Variants in RAB11FIP1 observed in about 807,000 individuals in gnomAD.
RAB11FIP1 encodes the protein rab11 family-interacting protein 1.
A neutral mutation model predicts 83.1 loss-of-function variants in RAB11FIP1; 49 were observed. The observed-to-expected ratio is 0.59, with a 90% CI of 0.47 to 0.75. The LOEUF is 0.75. Ranked by LOEUF, RAB11FIP1 falls within the 30% of genes least tolerant of loss-of-function variation. The pLI, the probability that RAB11FIP1 is intolerant of heterozygous loss-of-function variation, is 0.00. For synonymous variants in RAB11FIP1, 670 were observed against 656.0 expected (o/e 1.02, Z -0.33); for missense variants, 1,536 against 1,598.7 (o/e 0.96, Z 0.67).
chr8:37,894,684 TTATATATACATAAATACA>T (rs989878621), intron 1 of RAB11FIP1, among the ~76,000 whole-genome samples: 1 of 146,058 alleles, frequency 6.8e-6, no homozygotes, highest in East Asian at 2.0e-4. Flanking sequence ...TCATTTTGAT[TTATATATACATAAATACA>T]TATATATACA....
rs1806173098 is a variant in RAB11FIP1, at chr8:37,858,644, GC to G, written c.*4250del. The stretch of plus-strand genomic sequence containing the variant: ...AGGAAAGACCCTGTCCAAATGCTCA[GC>G]CAAGGGTACCGGCTGCAAAGGAAAA... On this transcript the variant is annotated 3_prime_UTR_variant, in exon 6 of 6. Coordinates refer to ENST00000330843, the MANE Select transcript of RAB11FIP1 (RefSeq NM_001002814.3). 1 of 152,288 alleles carries G rather than the reference GC, an allele frequency of 6.6e-6. No homozygotes were observed. Among genetic ancestry groups the G allele is most frequent in the Non-Finnish European group, 1.5e-5 (1 of 68,094 alleles). 9.4% of individuals were successfully genotyped at this position (152,288 alleles called of 1,614,324 possible).
chr8:37,874,367 C>T lies in RAB11FIP1; in HGVS notation c.1622+148G>A, dbSNP rs1179782255. On this transcript the variant is annotated intron_variant, in intron 3 of 5. Transcript: ENST00000330843. The stretch of plus-strand genomic sequence containing the variant: ...GGGCAGGCCAGGCTGGCAGTAGGGA[C>T]TGGTTAAAAAAATAATTTAGACCAG... The T allele has an allele frequency of 9.0e-6, 6 of 664,230 alleles. No individual in the cohort carries two copies. The East Asian group carries it at 1.3e-4, about 15-fold the overall frequency. The allele number at this position is 664,230 out of a possible 1,614,324, so 41.1% of individuals were successfully genotyped here.
intron 5 of RAB11FIP1, 74 bp downstream of exon 5, chr8:37,870,346 G>A (rs1317240571): frequency 8.4e-6 from 7 of 830,280 alleles, no homozygotes; most frequent in Non-Finnish European, 1.4e-5. Flanking sequence ...CCAGGGAGAG[G>A]TATACGATGG....
intron 5 of RAB11FIP1, among the ~76,000 whole-genome samples, chr8:37,864,728 G>T (rs1806308356): frequency 6.6e-6 from 1 of 152,174 alleles, no homozygotes; most frequent in African/African-American, 2.4e-5. Flanking sequence ...ATTTAGAGGT[G>T]AGACACTGGA....
In RAB11FIP1 at chr8:37,899,393, G is replaced by A; in HGVS notation, c.49C>T (p.Pro17Ser). Residue 17 changes from proline (P) to serine (S), a missense_variant, in exon 1 of 6, where the codon CCA becomes TCA. Coordinates refer to ENST00000330843, the MANE Select transcript of RAB11FIP1 (RefSeq NM_001002814.3). The surrounding 1 kb of genome is among the most constrained non-coding windows in gnomAD (Gnocchi z 4.5). Reference protein sequence around the residue: ...AGRGLGAVWSPTHVQVTVLQA... With the variant: ...AGRGLGAVWSSTHVQVTVLQA... ...AGCACCGTCACCTGCACGTGGGTTGGGGACCACACGGCCCCCAGGCCCCGG... is the reference window on the plus strand; with the variant it reads ...AGCACCGTCACCTGCACGTGGGTTGAGGACCACACGGCCCCCAGGCCCCGG... 6.3e-7 allele frequency: 1 copy of A among 1,598,064 alleles called. No individual in the cohort carries two copies. The highest frequency in any genetic ancestry group is 1.1e-5 in the South Asian group (1 of 89,818).
At chr8:37,896,083 G>T (rs1807083622) in intron 1 of RAB11FIP1, among the ~76,000 whole-genome samples, 1 of 152,074 alleles carries the variant, frequency 6.6e-6, no homozygotes, top group South Asian at 2.1e-4. Context: ...GCTGAGGCGG[G>T]TGGATCACCT....
In RAB11FIP1 at chr8:37,859,578, G is replaced by A. The variant is rs1378585994; in HGVS notation, c.*3317C>T. On this transcript the variant is annotated 3_prime_UTR_variant, in exon 6 of 6. Transcript: ENST00000330843. ...TGAACACACTGGAATAAGATGGAGG[G>A]CAGGATACCTGCCAAAGCCTGAGGC... 6.6e-6 allele frequency: 1 copy of A among 152,322 alleles called. No homozygotes were observed. The highest frequency in any genetic ancestry group is 1.5e-5 in the Non-Finnish European group (1 of 68,100). 9.4% of individuals were successfully genotyped at this position (152,322 alleles called of 1,614,324 possible). A position where few individuals can be genotyped will look rare whatever the true frequency, so the allele number is the denominator to read the frequency against.
intron 1 of RAB11FIP1, among the ~76,000 whole-genome samples, chr8:37,891,465 G>A (rs1806945092): frequency 6.6e-6 from 1 of 152,214 alleles, no homozygotes; most frequent in African/African-American, 2.4e-5. Context: ...GATAGGAAGA[G>A]TAATGTCAGC....
chr8:37,871,977 T>C lies in RAB11FIP1; in HGVS notation c.2825A>G (p.Gln942Arg). Reference protein sequence around the residue: ...GLLSDPLSDLQLVSDFKSPIM... With the variant: ...GLLSDPLSDLRLVSDFKSPIM... ...TGGAGATTTAAAATCTGAGACCAAC[T>C]GAAGGTCACTCAAGGGGTCAGACAA... The change falls in exon 4 of 6, where the codon CAG becomes CGG. Residue 942 changes from glutamine (Q) to arginine (R), a missense_variant. Gln to Arg is a conservative substitution (Grantham distance 43). Transcript: ENST00000330843. 1 of 1,614,188 alleles carries C rather than the reference T, an allele frequency of 6.2e-7. No individual in the cohort carries two copies. The highest frequency in any genetic ancestry group is 8.5e-7 in the Non-Finnish European group (1 of 1,180,040).
rs1179230650 is a variant in RAB11FIP1, at chr8:37,871,774, T to C, written c.3028A>G (p.Arg1010Gly). 8.1e-6 allele frequency: 13 copies of C among 1,613,826 alleles called. No homozygotes were observed. The highest frequency in any genetic ancestry group is 1.1e-5 in the Non-Finnish European group (13 of 1,179,976). ...SLGLVVPCPERGKGPSGEADR... is the reference protein window; with the variant it reads ...SLGLVVPCPEGGKGPSGEADR... ...GCCTCGCCACTGGGCCCCTTTCCCC[T>C]CTCAGGACAGGGGACTACCAAGCCC... The change falls in exon 4 of 6, where the codon AGG becomes GGG. Residue 1010 changes from arginine to glycine, a missense_variant. Coordinates refer to ENST00000330843, the MANE Select transcript of RAB11FIP1 (RefSeq NM_001002814.3).
intron 5 of RAB11FIP1, among the ~76,000 whole-genome samples, chr8:37,866,227 C>T (rs564069503): frequency 3.3e-5 from 5 of 151,422 alleles, no homozygotes; most frequent in Admixed American, 6.6e-5. Flanking sequence ...CCCAGCTACT[C>T]GGGAGGCTGA....
chr8:37,872,556 T>C lies in RAB11FIP1; in HGVS notation c.2246A>G (p.Asp749Gly), dbSNP rs763551597. ...SPVGELAAGG[D>G]RDLESQAGSL... is the part of the protein sequence containing the mutation. ...CCCAGCCTGACTCTCCAAGTCTCTG[T>C]CTCCTCCTGCTGCAAGCTCCCCAAC... The change falls in exon 4 of 6, where the codon GAC (aspartate) becomes GGC (glycine). Residue 749 changes from aspartate (D) to glycine (G), a missense_variant. Transcript: ENST00000330843. 6.2e-7 allele frequency: 1 copy of C among 1,614,194 alleles called. No homozygotes were observed. Among genetic ancestry groups the C allele is most frequent in the Admixed American group, 1.7e-5 (1 of 60,018 alleles).
intron 3 of RAB11FIP1, among the ~76,000 whole-genome samples, chr8:37,873,904 A>G (rs1806543511): frequency 6.6e-6 from 1 of 151,836 alleles, no homozygotes; most frequent in South Asian, 2.1e-4. Flanking sequence ...TGTCAAAGTA[A>G]GCAGAATCTC....
chr8:37,872,573 C>T lies in RAB11FIP1; in HGVS notation c.2229G>A (p.Glu743=), dbSNP rs1806497494. The change falls in exon 4 of 6, where the codon GAG becomes GAA. Residue 743 remains glutamate, a synonymous_variant. Transcript: ENST00000330843. Reference sequence around the variant, plus strand: ...AGTCTCTGTCTCCTCCTGCTGCAAGCTCCCCAACAGGGCTCACAGCTCCAT... The same window carrying T: ...AGTCTCTGTCTCCTCCTGCTGCAAGTTCCCCAACAGGGCTCACAGCTCCAT... ...SSDGAVSPVG[E]LAAGGDRDLE... The T allele has an allele frequency of 6.2e-7, 1 of 1,614,260 alleles. No individual in the cohort carries two copies. The highest frequency in any genetic ancestry group is 2.2e-5 in the East Asian group (1 of 44,890).
intron 5 of RAB11FIP1, among the ~76,000 whole-genome samples, chr8:37,869,176 C>T (rs904895246): frequency 6.7e-6 from 1 of 148,840 alleles, no homozygotes; most frequent in Non-Finnish European, 1.5e-5. Flanking sequence ...TATGATGAGC[C>T]GTGATCATGC....
intron 2 of RAB11FIP1, among the ~76,000 whole-genome samples, chr8:37,876,815 ATT>A (rs1163200520): frequency 6.6e-6 from 1 of 151,352 alleles, no homozygotes; most frequent in Admixed American, 6.6e-5. Flanking sequence ...TAATTTTTAT[ATT>A]TTTTGTAGAG....
intron 3 of RAB11FIP1, 140 bp from the exon 4 acceptor site, chr8:37,873,319 C>G (rs539149221): frequency 2.0e-6 from 2 of 984,126 alleles, no homozygotes; most frequent in Non-Finnish European, 2.9e-6. Context: ...AAAAAAGGAA[C>G]GCTAGCCGGG....
At chr8:37,897,274 A>C (rs888020013) in intron 1 of RAB11FIP1, among the ~76,000 whole-genome samples, 1 of 150,988 alleles carries the variant, frequency 6.6e-6, no homozygotes, top group African/African-American at 2.4e-5. Flanking sequence ...AATGGAACCC[A>C]CCCCACAGTA....
At chr8:37,893,737 CTG>C (rs943082454) in intron 1 of RAB11FIP1, among the ~76,000 whole-genome samples, 1 of 152,058 alleles carries the variant, frequency 6.6e-6, no homozygotes, top group African/African-American at 2.4e-5. Context: ...CTGCAGTGAG[CTG>C]TGATCATGTC....
Sources: gnomAD v4.1 joint callset for allele counts (sites outside exome capture counted in the v4.1 genomes callset) on GRCh38, gnomAD v4.1.1 for gene constraint, Gnocchi (gnomAD v3.1) non-coding constraint, MANE v1.5 for transcripts, NCBI Gene and HGNC (gene_info 2026-07-23, HGNC 2026-07-21) for gene names.